TMEM200A: variants seen among roughly 807,000 people sequenced by gnomAD.
TMEM200A encodes two transmembrane C.
TMEM200A carries 12 observed loss-of-function variants against 24.3 expected under a neutral mutation model. That is an observed-to-expected ratio of 0.49 (90% CI 0.32 to 0.80). TMEM200A has a LOEUF of 0.80. Ranked by LOEUF, TMEM200A falls within the 30% of genes least tolerant of loss-of-function variation. The probability of loss-of-function intolerance (pLI) is 0.04; values close to 1 mark genes in which losing one functional copy is unlikely to be tolerated. For synonymous variants in TMEM200A, 224 were observed against 224.4 expected (o/e 1.00, Z 0.02); for missense variants, 545 against 614.4 (o/e 0.89, Z 1.19).
At chr6:130,429,448 A>G (rs1374945379) in intron 2 of TMEM200A, among the ~76,000 whole-genome samples, 2 of 152,082 alleles carry the variant, frequency 1.3e-5, no homozygotes, top group Admixed American at 1.3e-4. Context: ...CAGAATGACA[A>G]CTCTTAATAT....
At chr6:130,386,731 C>T (rs1778719919) in intron 2 of TMEM200A, among the ~76,000 whole-genome samples, 1 of 152,126 alleles carries the variant, frequency 6.6e-6, no homozygotes, top group African/African-American at 2.4e-5. Flanking sequence ...CCAAAAAACC[C>T]CCAAGAAATT....
intron 1 of TMEM200A, among the ~76,000 whole-genome samples, chr6:130,383,479 G>A (rs1453192417): frequency 2.0e-5 from 3 of 152,022 alleles, no homozygotes; most frequent in Non-Finnish European, 2.9e-5. Context: ...AATGTCTGGC[G>A]ATGGCAAATA....
intron 2 of TMEM200A, chr6:130,421,299 CTCT>C (rs1390568580): frequency 6.6e-6 from 1 of 152,156 alleles, no homozygotes; most frequent in East Asian, 1.9e-4. Flanking sequence ...TCCATCTGAA[CTCT>C]TCTTGTTCTC....
At chr6:130,436,485 CAAAAAAA>C (rs11462643) in intron 2 of TMEM200A, among the ~76,000 whole-genome samples, 1 of 114,826 alleles carries the variant, frequency 8.7e-6, no homozygotes. Flanking sequence ...CAGCATTGAC[CAAAAAAA>C]AAAAAAAAGG....
chr6:130,382,937 G>T, intron 1 of TMEM200A: 1 of 697,588 alleles, frequency 1.4e-6, no homozygotes, highest in Non-Finnish European at 1.8e-6. Context: ...CTGTGGCCTG[G>T]TTCCTCGAGG....
Position 130,441,570 on chromosome 6 carries a change from G to A in TMEM200A, c.1148G>A (p.Gly383Glu). 1 of 1,613,952 alleles carries A rather than the reference G, an allele frequency of 6.2e-7. No individual in the cohort carries two copies. Among genetic ancestry groups the A allele is most frequent in the Non-Finnish European group, 8.5e-7 (1 of 1,179,974 alleles). ...LSPGAARRQF[G>E]SNTSLHLLSS... ...CCTGGGGCTGCCAGAAGACAGTTTG[G>A]GTCCAATACATCCTTGCATTTGCTC... is the stretch of plus-strand genomic sequence containing the variant. The change falls in exon 3 of 3, where the codon GGG becomes GAG. Residue 383 changes from glycine to glutamate, a missense_variant. Physicochemically the swap from Gly to Glu is moderately conservative, Grantham distance 98. Coordinates refer to ENST00000296978, the MANE Select transcript of TMEM200A (RefSeq NM_001258277.2).
intron 1 of TMEM200A, among the ~76,000 whole-genome samples, chr6:130,370,638 C>G (rs7753785): frequency 0.013 from 2,029 of 152,236 alleles, 48 homozygotes; most frequent in African/African-American, 0.044. Flanking sequence ...TTCTCCCAAG[C>G]AAGGTATAGC....
intron 2 of TMEM200A, among the ~76,000 whole-genome samples, chr6:130,431,864 G>A (rs942019894): frequency 2.0e-5 from 3 of 152,032 alleles, no homozygotes; most frequent in African/African-American, 7.2e-5. Flanking sequence ...TATTCCTAGC[G>A]TTTTCTGCAG....
rs1324620697 is a variant in TMEM200A at position 130,441,141 on chromosome 6, G to A, written c.719G>A (p.Gly240Glu). ...ATGTTAAATGAAGGTAAGAGTTCTGGGCATCTTATGCCCCCTTTGCTCTCT... is the reference window on the plus strand; with the variant it reads ...ATGTTAAATGAAGGTAAGAGTTCTGAGCATCTTATGCCCCCTTTGCTCTCT... ...ELMLNEGKSSGHLMPPLLSDS... is the reference protein window; with the variant it reads ...ELMLNEGKSSEHLMPPLLSDS... The change falls in exon 3 of 3, where the codon GGG becomes GAG. Residue 240 changes from glycine to glutamate, a missense_variant. Coordinates refer to ENST00000296978, the MANE Select transcript of TMEM200A (RefSeq NM_001258277.2). The A allele has an allele frequency of 3.7e-6, 6 of 1,613,850 alleles. No individual in the cohort carries two copies. The highest frequency in any genetic ancestry group is 2.7e-5 in the African/African-American group (2 of 74,882).
At chr6:130,370,206 A>G (rs1778286581) in intron 1 of TMEM200A, among the ~76,000 whole-genome samples, 1 of 152,192 alleles carries the variant, frequency 6.6e-6, no homozygotes, top group African/African-American at 2.4e-5. Flanking sequence ...CTAAACCTAC[A>G]TTCCTGGGCT....
chr6:130,423,765 A>G (rs117972756), intron 2 of TMEM200A, among the ~76,000 whole-genome samples: 2,779 of 152,278 alleles, frequency 0.018, 23 homozygotes, highest in Non-Finnish European at 0.027. Flanking sequence ...AATAAGATAC[A>G]TAAGAAACTA....
chr6:130,438,238 C>T (rs980020428), intron 2 of TMEM200A: 3 of 152,204 alleles, frequency 2.0e-5, no homozygotes, highest in Non-Finnish European at 4.4e-5. Context: ...TTAGTTTGTT[C>T]TTCCAACATA....
At chr6:130,396,184 A>G (rs1285288050) in intron 2 of TMEM200A, among the ~76,000 whole-genome samples, 3 of 152,162 alleles carry the variant, frequency 2.0e-5, no homozygotes, top group Non-Finnish European at 4.4e-5. Flanking sequence ...GCTTATGAAC[A>G]TGGGGCCAGC....
At chr6:130,375,711 T>C (rs1422040928) in intron 1 of TMEM200A, among the ~76,000 whole-genome samples, 1 of 152,170 alleles carries the variant, frequency 6.6e-6, no homozygotes, top group Non-Finnish European at 1.5e-5. Context: ...GGAGGGGGCA[T>C]TGGAGTAGGT....
intron 2 of TMEM200A, among the ~76,000 whole-genome samples, chr6:130,403,029 C>T (rs1779124038): frequency 6.6e-6 from 1 of 152,176 alleles, no homozygotes. Flanking sequence ...TCCTCAGTGG[C>T]ATAATTTCAT....
At chr6:130,398,178 T>C (rs4897421) in intron 2 of TMEM200A, among the ~76,000 whole-genome samples, 50,823 of 151,916 alleles carry the variant, frequency 0.33, 11,982 homozygotes, top group African/African-American at 0.67. Context: ...TTTGTGTCCA[T>C]GTGTATTCAA....
intron 1 of TMEM200A, among the ~76,000 whole-genome samples, chr6:130,379,341 C>T (rs1778542094): frequency 6.6e-6 from 1 of 152,160 alleles, no homozygotes; most frequent in Non-Finnish European, 1.5e-5. Context: ...GCCATTCTGA[C>T]AGGCTGGGAA....
chr6:130,440,604 C>A lies in TMEM200A; in HGVS notation c.182C>A (p.Ser61Tyr), dbSNP rs1478113386. ...GGCAAAATCCGGCTTTATTCCCCAT[C>A]TGGTTTTTTTCTTATTTTAGGAGTG... ...VRGKIRLYSP[S>Y]GFFLILGVLI... Residue 61 changes from serine to tyrosine, a missense_variant, in exon 3 of 3, where the codon TCT becomes TAT. By Grantham distance (144) the Ser-to-Tyr change is moderately radical. Transcript: ENST00000296978. The A allele has an allele frequency of 6.2e-7, 1 of 1,613,950 alleles. No individual in the cohort carries two copies. The highest frequency in any genetic ancestry group is 1.3e-5 in the African/African-American group (1 of 74,916).
intron 1 of TMEM200A, among the ~76,000 whole-genome samples, chr6:130,368,846 G>A (rs1583166252): frequency 6.6e-6 from 1 of 152,190 alleles, no homozygotes; most frequent in Non-Finnish European, 1.5e-5. Context: ...CACTAATTAG[G>A]TGGCTGTGGG....
Sources: gnomAD v4.1 joint callset for allele counts (sites outside exome capture counted in the v4.1 genomes callset) on GRCh38, gnomAD v4.1.1 for gene constraint, MANE v1.5 for transcripts, NCBI Gene and HGNC (gene_info 2026-07-23, HGNC 2026-07-21) for gene names.